SNX30: variants seen among roughly 807,000 people sequenced by gnomAD.
The protein encoded by SNX30 is sorting nexin-30.
In SNX30, 24 loss-of-function variants were observed where a neutral mutation model predicts 46.4. The observed-to-expected ratio is 0.52, with a 90% CI of 0.37 to 0.73. The LOEUF (loss-of-function observed/expected upper bound fraction) is 0.73. Among genes scored for constraint, SNX30 ranks in the 30% least tolerant of loss-of-function variants. The pLI is 0.00. For synonymous variants in SNX30, 189 were observed against 211.5 expected (o/e 0.89, Z 0.92); for missense variants, 533 against 555.7 (o/e 0.96, Z 0.41).
intron 1 of SNX30, among the ~76,000 whole-genome samples, chr9:112,787,366 T>C (rs1201338244): frequency 1.3e-5 from 2 of 152,180 alleles, no homozygotes; most frequent in Admixed American, 1.3e-4. Context: ...CGTTTCCTTC[T>C]CATTTAGCAC....
chr9:112,844,768 C>T (rs1421985782), intron 6 of SNX30, among the ~76,000 whole-genome samples: 1 of 152,218 alleles, frequency 6.6e-6, no homozygotes, highest in Non-Finnish European at 1.5e-5. Context: ...TTGGAGATAA[C>T]TTCTACAACA....
Position 112,869,287 on chromosome 9 carries a change from C to A in SNX30, c.*444C>A. The A allele has an allele frequency of 4.9e-6, 1 of 203,216 alleles. No individual in the cohort carries two copies. 12.6% of individuals were successfully genotyped at this position (203,216 alleles called of 1,614,324 possible). On this transcript the variant is annotated 3_prime_UTR_variant, in exon 9 of 9. Coordinates refer to ENST00000374232, the MANE Select transcript of SNX30 (RefSeq NM_001012994.2). ...TGCTGCTTTCTGTGGAAACCTGGCC[C>A]CTCTGGAATTGGCCTCTGTGGGCAT...
At chr9:112,877,454 A>C (rs906842459), downstream of SNX30, 5 of 152,252 alleles carry the variant, frequency 3.3e-5, no homozygotes, top group African/African-American at 1.2e-4. Context: ...GTAAGGGTGG[A>C]GAGGTTGAAC....
chr9:112,835,434 T>A (rs190105864), intron 4 of SNX30, among the ~76,000 whole-genome samples: 51 of 151,906 alleles, frequency 3.4e-4, no homozygotes, highest in African/African-American at 1.2e-3. Context: ...GCCTCCTGAG[T>A]AGCTGGGACT....
chr9:112,770,404 C>G (rs1839629760), intron 1 of SNX30, among the ~76,000 whole-genome samples: 1 of 151,952 alleles, frequency 6.6e-6, no homozygotes, highest in Non-Finnish European at 1.5e-5. Flanking sequence ...AACTCCCGAC[C>G]TTGTGATCTG....
intron 1 of SNX30, among the ~76,000 whole-genome samples, chr9:112,783,881 G>A (rs894388014): frequency 2.6e-5 from 4 of 152,220 alleles, no homozygotes; most frequent in East Asian, 1.9e-4. Context: ...CAGCTGTCAC[G>A]TGGGTAAGAA....
chr9:112,852,199 C>T (rs1382065458), intron 7 of SNX30, among the ~76,000 whole-genome samples: 4 of 151,600 alleles, frequency 2.6e-5, no homozygotes, highest in Non-Finnish European at 4.4e-5. Context: ...GTTATGATTG[C>T]GCCTGTGAAT....
rs566563642 is a variant in SNX30, at chr9:112,837,468, GT to G, written c.815-1024del. Among the ~76,000 whole-genome samples the G allele has an allele frequency of 1.8e-3, 276 of 151,354 alleles. 1 individual carries two copies. The highest frequency in any genetic ancestry group is 4.2e-3 in the South Asian group (20 of 4,802). ...TCCATTGTGACTGTTTTTGTTTTTC[GT>G]TTTTTGGTTTTTGGTTTTTTTTTTG... On this transcript the variant is annotated intron_variant, in intron 5 of 8. Transcript: ENST00000374232.
At chr9:112,769,024 A>G (rs1249676775) in intron 1 of SNX30, among the ~76,000 whole-genome samples, 1 of 152,184 alleles carries the variant, frequency 6.6e-6, no homozygotes, top group African/African-American at 2.4e-5. Context: ...GAAGTTCACT[A>G]TCAGACAAGC....
intron 3 of SNX30, among the ~76,000 whole-genome samples, chr9:112,823,307 A>G (rs756129139): frequency 1.3e-5 from 2 of 152,238 alleles, no homozygotes; most frequent in African/African-American, 2.4e-5. Flanking sequence ...ATTGTTAACT[A>G]TAGGTACCAC....
At chr9:112,774,904 G>A (rs569703789) in intron 1 of SNX30, among the ~76,000 whole-genome samples, 1 of 149,874 alleles carries the variant, frequency 6.7e-6, no homozygotes, top group East Asian at 2.0e-4. Flanking sequence ...GAGTGCAGTG[G>A]CGCCGTCTCG....
chr9:112,834,573 C>A (rs568340532), intron 4 of SNX30, among the ~76,000 whole-genome samples: 1 of 152,252 alleles, frequency 6.6e-6, no homozygotes, highest in East Asian at 1.9e-4. Context: ...GTTCAGCTCT[C>A]CAGAAGTTCT....
At chr9:112,828,788 T>C (rs1840615553) in intron 3 of SNX30, among the ~76,000 whole-genome samples, 1 of 152,248 alleles carries the variant, frequency 6.6e-6, no homozygotes, top group African/African-American at 2.4e-5. Context: ...CATAGCACCA[T>C]TTTATAATCT....
At chr9:112,804,096 C>A (rs1402844434) in intron 1 of SNX30, among the ~76,000 whole-genome samples, 2 of 150,970 alleles carry the variant, frequency 1.3e-5, no homozygotes, top group Non-Finnish European at 3.0e-5. Flanking sequence ...TCACCGTCTT[C>A]TGCGTCGCTC....
At chr9:112,832,304 T>G (rs953994492) in intron 4 of SNX30, among the ~76,000 whole-genome samples, 1 of 152,000 alleles carries the variant, frequency 6.6e-6, no homozygotes, top group Non-Finnish European at 1.5e-5. Flanking sequence ...CACAACTCAC[T>G]TTCTCCCCCA....
In SNX30 at chr9:112,789,358, G is replaced by C. The variant is rs377052107; in HGVS notation, c.157-15418G>C. On this transcript the variant is annotated intron_variant, in intron 1 of 8. Coordinates refer to ENST00000374232, the MANE Select transcript of SNX30 (RefSeq NM_001012994.2). ...CCTGGCCAAGCTCTCCCCCAGCCTT[G>C]TTTTTCCATTTGGCAAGTCTACTTA... Among the ~76,000 whole-genome samples the C allele has an allele frequency of 2.0e-4, 30 of 152,256 alleles. No individual in the cohort carries two copies. The East Asian group carries it at 3.1e-3, about 16-fold the overall frequency.
At chr9:112,805,688 C>T (rs1342080608) in intron 2 of SNX30, among the ~76,000 whole-genome samples, 4 of 152,156 alleles carry the variant, frequency 2.6e-5, no homozygotes, top group Admixed American at 6.5e-5. Context: ...AGGCTGGTCT[C>T]GAACTCCTGA....
intron 1 of SNX30, among the ~76,000 whole-genome samples, chr9:112,780,482 T>C (rs1839828120): frequency 6.6e-6 from 1 of 152,216 alleles, no homozygotes; most frequent in Non-Finnish European, 1.5e-5. Flanking sequence ...AAATTCTTGA[T>C]GTGGGTTTGC....
chr9:112,843,855 C>T (rs1031799696), intron 6 of SNX30, among the ~76,000 whole-genome samples: 2 of 152,104 alleles, frequency 1.3e-5, no homozygotes, highest in African/African-American at 4.8e-5. Context: ...CCTCATGATC[C>T]ACCCACGTTG....
Sources: allele counts gnomAD v4.1 joint callset (sites outside exome capture counted in the v4.1 genomes callset), GRCh38; gene constraint gnomAD v4.1.1; transcripts MANE v1.5; gene names NCBI Gene and HGNC (gene_info 2026-07-23, HGNC 2026-07-21).